CDH13: variants seen among roughly 807,000 people sequenced by gnomAD.
CDH13 encodes the protein cadherin-13.
A neutral mutation model predicts 63.8 loss-of-function variants in CDH13; 24 were observed. The observed-to-expected ratio is 0.38, with a 90% CI of 0.27 to 0.53. The LOEUF (loss-of-function observed/expected upper bound fraction) is 0.53. Ranked by LOEUF, CDH13 falls within the 20% of genes least tolerant of loss-of-function variation. CDH13 has a pLI of 0.85. For synonymous variants in CDH13, 503 were observed against 355.3 expected (o/e 1.42, Z -4.67); for missense variants, 1,049 against 903.1 (o/e 1.16, Z -2.07).
At chr16:83,196,531 A>G (rs145885354) in intron 4 of CDH13, among the ~76,000 whole-genome samples, 1 of 152,192 alleles carries the variant, frequency 6.6e-6, no homozygotes, top group Non-Finnish European at 1.5e-5. Context: ...CTTACAAACC[A>G]CATATCTGAA....
chr16:82,941,011 G>C (rs1372302640), intron 2 of CDH13, among the ~76,000 whole-genome samples: 1 of 152,120 alleles, frequency 6.6e-6, no homozygotes, highest in African/African-American at 2.4e-5. Context: ...TTGCTTTGTA[G>C]ATGGACAATA....
At chr16:83,550,860 C>T (rs1451481750) in intron 7 of CDH13, among the ~76,000 whole-genome samples, 2 of 152,126 alleles carry the variant, frequency 1.3e-5, no homozygotes, top group Admixed American at 6.6e-5. Flanking sequence ...AGCCTAACCT[C>T]TCAGGTTAGA....
chr16:83,791,274 A>G (rs1268157124), intron 13 of CDH13, among the ~76,000 whole-genome samples: 1 of 152,218 alleles, frequency 6.6e-6, no homozygotes, highest in African/African-American at 2.4e-5. Flanking sequence ...AGGTGGGCCG[A>G]TCACCTGAGG....
chr16:83,689,188 A>C (rs1453373898), intron 10 of CDH13, among the ~76,000 whole-genome samples: 2 of 152,218 alleles, frequency 1.3e-5, no homozygotes, highest in Non-Finnish European at 2.9e-5. Flanking sequence ...CCTTCTTGTC[A>C]GCCTTAGAAA....
intron 2 of CDH13, among the ~76,000 whole-genome samples, chr16:82,937,419 GCACA>G (rs748594526): frequency 6.7e-5 from 10 of 149,112 alleles, no homozygotes; most frequent in East Asian, 5.9e-4. Context: ...ACATACACAT[GCACA>G]CACACACACA....
At chr16:83,017,753 A>G (rs1237646988) in intron 2 of CDH13, among the ~76,000 whole-genome samples, 1 of 152,186 alleles carries the variant, frequency 6.6e-6, no homozygotes, top group Non-Finnish European at 1.5e-5. Flanking sequence ...ATAGGGAAAC[A>G]ATTCATGTAA....
intron 1 of CDH13, among the ~76,000 whole-genome samples, chr16:82,802,873 A>T (rs2036935629): frequency 6.6e-6 from 1 of 152,148 alleles, no homozygotes; most frequent in South Asian, 2.1e-4. Flanking sequence ...CTCTGCCACC[A>T]TCTGTGTTGC....
intron 6 of CDH13, among the ~76,000 whole-genome samples, chr16:83,372,414 C>T (rs1225489386): frequency 6.6e-6 from 1 of 151,974 alleles, no homozygotes; most frequent in Non-Finnish European, 1.5e-5. Context: ...AAATTCAGTG[C>T]AAAAAATATA....
intron 1 of CDH13, among the ~76,000 whole-genome samples, chr16:82,647,629 T>C (rs1597212233): frequency 6.3e-5 from 6 of 94,866 alleles, no homozygotes; most frequent in Admixed American, 3.9e-4. Flanking sequence ...ACAAATCTGG[T>C]TGGCATTGAT....
chr16:82,953,853 T>C (rs933933657), intron 2 of CDH13: 1 of 152,164 alleles, frequency 6.6e-6, no homozygotes, highest in Non-Finnish European at 1.5e-5. Flanking sequence ...ACAACGACAA[T>C]AATAATGATG....
intron 6 of CDH13, among the ~76,000 whole-genome samples, chr16:83,431,219 G>A (rs1007835955): frequency 6.6e-6 from 1 of 151,692 alleles, no homozygotes; most frequent in East Asian, 2.0e-4. Flanking sequence ...GTCTATCATT[G>A]TTGGACATTT....
intron 2 of CDH13, among the ~76,000 whole-genome samples, chr16:82,973,418 G>A (rs140156019): frequency 4.7e-4 from 72 of 152,266 alleles, no homozygotes; most frequent in African/African-American, 1.5e-3. Flanking sequence ...TGAGACACCC[G>A]CTCCAGATGT....
rs148274977 is a variant in CDH13 at position 82,761,968 on chromosome 16, G to A, written c.46-96394G>A. On this transcript the variant is annotated intron_variant, in intron 1 of 13. Transcript: ENST00000567109. ...TTCACAGGTGAGATATGCATTAAAG[G>A]CACAAAAGCTAAAAGACAAAGAGAA... Among the ~76,000 whole-genome samples the A allele has an allele frequency of 6.5e-3, 993 of 152,242 alleles. 27 individuals carry two copies. The highest frequency in any genetic ancestry group is 0.012 in the East Asian group (61 of 5,184).
intron 10 of CDH13, among the ~76,000 whole-genome samples, chr16:83,746,484 G>T (rs770165537): frequency 6.6e-6 from 1 of 152,140 alleles, no homozygotes; most frequent in Non-Finnish European, 1.5e-5. Context: ...TTTGCTCTAT[G>T]AAGTAACATT....
intron 5 of CDH13, among the ~76,000 whole-genome samples, chr16:83,305,319 C>G (rs8060342): frequency 6.9e-4 from 105 of 152,338 alleles, no homozygotes; most frequent in African/African-American, 2.5e-3. Flanking sequence ...TTATCAACAT[C>G]TGTTTCTAGG....
chr16:83,232,260 C>G (rs1399414683), intron 5 of CDH13, among the ~76,000 whole-genome samples: 1 of 125,414 alleles, frequency 8.0e-6, no homozygotes, highest in Non-Finnish European at 1.6e-5. Context: ...CACGGTGGCT[C>G]ATGCCTGTAA....
chr16:83,634,135 A>ATGTG lies in CDH13; in HGVS notation c.1101+31564_1101+31567dup, dbSNP rs35109001. Among the ~76,000 whole-genome samples, 577 of 104,386 alleles carry ATGTG rather than the reference A, an allele frequency of 5.5e-3. 8 individuals carry two copies. The highest frequency in any genetic ancestry group is 0.021 in the African/African-American group (549 of 26,376). The allele number at this position is 104,386 out of a possible 152,430, so 68.5% of individuals were successfully genotyped here. A position where few individuals can be genotyped will look rare whatever the true frequency, so the allele number is the denominator to read the frequency against. ...GTGTTTTCTGTGTGTGTGTGTGTGT[A>ATGTG]TGTGTGTGTGTGTGTGTGTGTGTGT... On this transcript the variant is annotated intron_variant, in intron 8 of 13. Transcript: ENST00000567109.
At chr16:82,827,283 A>T (rs2038300824) in intron 1 of CDH13, among the ~76,000 whole-genome samples, 1 of 152,204 alleles carries the variant, frequency 6.6e-6, no homozygotes, top group South Asian at 2.1e-4. Flanking sequence ...CTTCATCTTT[A>T]CTATTTTGCA....
intron 11 of CDH13, among the ~76,000 whole-genome samples, chr16:83,749,766 C>T (rs1288349884): frequency 1.3e-5 from 2 of 152,136 alleles, no homozygotes; most frequent in Admixed American, 1.3e-4. Flanking sequence ...TAGTCAAGTA[C>T]ACAGAAGATC....
Sources: allele counts gnomAD v4.1 joint callset (sites outside exome capture counted in the v4.1 genomes callset), GRCh38; gene constraint gnomAD v4.1.1; transcripts MANE v1.5; gene names NCBI Gene and HGNC (gene_info 2026-07-23, HGNC 2026-07-21).